Variants in ATAD2B observed in about 807,000 individuals in gnomAD.
ATAD2B encodes the protein ATPase family AAA domain containing 2B.
ATAD2B carries 40 observed loss-of-function variants against 167.6 expected under a neutral mutation model. That is an observed-to-expected ratio of 0.24 (90% CI 0.19 to 0.31). The LOEUF is 0.31. Among genes scored for constraint, ATAD2B ranks in the 10% least tolerant of loss-of-function variants. The pLI is 1.00. For synonymous variants in ATAD2B, 579 were observed against 596.5 expected (o/e 0.97, Z 0.43); for missense variants, 1,242 against 1,757.2 (o/e 0.71, Z 5.24).
chr2:23,816,291 G>C (rs1394304281), intron 17 of ATAD2B, among the ~76,000 whole-genome samples: 1 of 152,150 alleles, frequency 6.6e-6, no homozygotes, highest in Non-Finnish European at 1.5e-5. Flanking sequence ...AGCAATTGCA[G>C]TTCTTAAAAT....
At chr2:23,814,628 G>C (rs1436765192) in intron 17 of ATAD2B, among the ~76,000 whole-genome samples, 1 of 152,064 alleles carries the variant, frequency 6.6e-6, no homozygotes, top group East Asian at 1.9e-4. Flanking sequence ...AGCCAGTTTT[G>C]GTTTTGTTTG....
chr2:23,707,421 C>G, the ATAD2B span: 1 of 152,214 alleles, frequency 6.6e-6, no homozygotes, highest in Non-Finnish European at 1.5e-5. Flanking sequence ...AGAGGAGGAG[C>G]AGGCCACAAG....
At chr2:23,776,249 T>C (rs995638845) in intron 22 of ATAD2B, among the ~76,000 whole-genome samples, 4 of 152,242 alleles carry the variant, frequency 2.6e-5, no homozygotes, top group Non-Finnish European at 5.9e-5. Flanking sequence ...CTTCCCAGAT[T>C]CCTCTAACCA....
chr2:23,730,417 A>G, the ATAD2B span, among the ~76,000 whole-genome samples: 2 of 152,116 alleles, frequency 1.3e-5, no homozygotes, highest in Admixed American at 6.5e-5. Context: ...CTGTAATCCC[A>G]GCACTTTGGG....
chr2:23,877,485 A>AGGAAGGGAAG (rs1420553097), intron 7 of ATAD2B, among the ~76,000 whole-genome samples: 35 of 113,096 alleles, frequency 3.1e-4, no homozygotes, highest in Non-Finnish European at 4.7e-4. Flanking sequence ...CAGAGCAAGA[A>AGGAAGGGAAG]GGAAGGGAAG....
At chr2:23,685,803 T>C in the ATAD2B span, among the ~76,000 whole-genome samples, 1 of 152,214 alleles carries the variant, frequency 6.6e-6, no homozygotes, top group Non-Finnish European at 1.5e-5. Context: ...GGGAGGACTC[T>C]GTGCTGCCAC....
intron 24 of ATAD2B, among the ~76,000 whole-genome samples, chr2:23,761,085 A>T (rs1319070887): frequency 6.6e-6 from 1 of 152,228 alleles, no homozygotes. Flanking sequence ...TTTGTAGCAG[A>T]TGCATAGAAT....
chr2:23,888,322 C>T (rs1489272539), intron 3 of ATAD2B, 28 bp downstream of exon 3: 1 of 1,493,926 alleles, frequency 6.7e-7, no homozygotes, highest in East Asian at 2.3e-5. Flanking sequence ...AATTTTAAAA[C>T]TAACCAGTTT....
At chr2:23,743,643 T>C in the ATAD2B span, among the ~76,000 whole-genome samples, 1 of 151,990 alleles carries the variant, frequency 6.6e-6, no homozygotes, top group African/African-American at 2.4e-5. Context: ...ATTGTTTTTT[T>C]GAGACAGGGT....
intron 18 of ATAD2B, among the ~76,000 whole-genome samples, chr2:23,805,795 T>TAAAAAAAAAAAAAAAAA (rs3030816): frequency 1.5e-4 from 15 of 100,956 alleles, no homozygotes; most frequent in South Asian, 3.2e-4. Context: ...TATCAAGCTT[T>TAAAAAAAAAAAAAAAAA]AAAAAAAAAA....
At chr2:23,898,914 C>T (rs1009244022) in intron 1 of ATAD2B, among the ~76,000 whole-genome samples, 9 of 152,058 alleles carry the variant, frequency 5.9e-5, no homozygotes, top group Non-Finnish European at 1.3e-4. Context: ...TTTGCAAGGC[C>T]GAGGCGGGTG....
intron 13 of ATAD2B, among the ~76,000 whole-genome samples, chr2:23,836,556 T>C (rs1032728291): frequency 6.6e-5 from 10 of 152,146 alleles, no homozygotes; most frequent in African/African-American, 2.4e-4. Context: ...AAGAACAAGA[T>C]ATGCAGACAA....
At chr2:23,739,464 GA>G in the ATAD2B span, among the ~76,000 whole-genome samples, 1 of 152,188 alleles carries the variant, frequency 6.6e-6, no homozygotes. Flanking sequence ...GGTAAATAAT[GA>G]AGTGAAGGCA....
chr2:23,728,358 C>T, the ATAD2B span, among the ~76,000 whole-genome samples: 7 of 152,098 alleles, frequency 4.6e-5, no homozygotes, highest in Non-Finnish European at 1.0e-4. Flanking sequence ...AAAAGAAACA[C>T]CAGGTAGATA....
rs1287757400 is a variant in ATAD2B, at chr2:23,749,165, C to T, written c.*2881G>A. 6.6e-6 allele frequency: 1 copy of T among 150,614 alleles called. No individual in the cohort carries two copies. Among genetic ancestry groups the T allele is most frequent in the South Asian group, 2.1e-4 (1 of 4,746 alleles). 9.3% of individuals were successfully genotyped at this position (150,614 alleles called of 1,614,324 possible). ...TTATGAGAAAAATCAAGTCATGAAACAACATTAAAAAAAAAAAATCACAGG... is the reference window on the plus strand; with the variant it reads ...TTATGAGAAAAATCAAGTCATGAAATAACATTAAAAAAAAAAAATCACAGG... On this transcript the variant is annotated 3_prime_UTR_variant, in exon 28 of 28. Coordinates refer to ENST00000238789, the MANE Select transcript of ATAD2B (RefSeq NM_017552.4).
chr2:23,849,252 C>CA (rs1388421309), intron 13 of ATAD2B, among the ~76,000 whole-genome samples: 3 of 151,994 alleles, frequency 2.0e-5, no homozygotes, highest in African/African-American at 7.2e-5. Flanking sequence ...AAGTTAATGG[C>CA]AAAAAATATA....
Position 23,926,837 on chromosome 2 carries a change from GGTCA to G in ATAD2B, c.-71_-68del. ...GCCGAGCAAGGCCGGCCCGCCGGCC[GGTCA>G]GTCAGGGCCAGCGGAGCCGAGCCGG... On this transcript the variant is annotated 5_prime_UTR_variant, in exon 1 of 28. Coordinates refer to ENST00000238789, the MANE Select transcript of ATAD2B (RefSeq NM_017552.4). 1 of 1,447,162 alleles carries G rather than the reference GGTCA, an allele frequency of 6.9e-7. No homozygotes were observed. Among genetic ancestry groups the G allele is most frequent in the African/African-American group, 1.5e-5 (1 of 67,942 alleles). The allele number at this position is 1,447,162 out of a possible 1,614,324, so 89.6% of individuals were successfully genotyped here.
At position 23,764,819 on chromosome 2, in the gene ATAD2B, C is replaced by T. The variant is rs764271784; in HGVS notation, c.3256+687G>A. ...ACACACCTCTGTGCCTTTACATATGCTATTGTTTTCTCTGTGTGCAATACA... is the reference window on the plus strand; with the variant it reads ...ACACACCTCTGTGCCTTTACATATGTTATTGTTTTCTCTGTGTGCAATACA... On this transcript the variant is annotated intron_variant, in intron 23 of 27. Coordinates refer to ENST00000238789, the MANE Select transcript of ATAD2B (RefSeq NM_017552.4). Among the ~76,000 whole-genome samples, 119 of 152,172 alleles carry T rather than the reference C, an allele frequency of 7.8e-4. 3 individuals are homozygous for T. Among genetic ancestry groups the T allele is most frequent in the Middle Eastern group, 3.2e-3 (1 of 316 alleles).
chr2:23,786,959 A>T (rs1398039761), intron 20 of ATAD2B, among the ~76,000 whole-genome samples: 1 of 151,982 alleles, frequency 6.6e-6, no homozygotes, highest in African/African-American at 2.4e-5. Context: ...TATCCCCAAA[A>T]GAATTCTGAT....
Sources: allele counts gnomAD v4.1 joint callset (sites outside exome capture counted in the v4.1 genomes callset), GRCh38; gene constraint gnomAD v4.1.1; transcripts MANE v1.5; gene names NCBI Gene and HGNC (gene_info 2026-07-23, HGNC 2026-07-21).